NAALADL2: variants seen among roughly 807,000 people sequenced by gnomAD.
The protein encoded by NAALADL2 is N-acetylated alpha-linked acidic dipeptidase like 2.
Under a neutral mutation model 87.2 loss-of-function variants are expected in NAALADL2, and 76 were observed. The observed-to-expected ratio is 0.87, with a 90% CI of 0.72 to 1.05. NAALADL2 has a LOEUF of 1.05. NAALADL2 is among the 50% of genes least tolerant of loss of function. The pLI, the probability that NAALADL2 is intolerant of heterozygous loss-of-function variation, is 0.00. For synonymous variants in NAALADL2, 354 were observed against 331.0 expected (o/e 1.07, Z -0.75); for missense variants, 1,089 against 945.8 (o/e 1.15, Z -1.99).
chr3:174,796,510 A>C (rs2109227098), intron 3 of NAALADL2, among the ~76,000 whole-genome samples: 1 of 152,158 alleles, frequency 6.6e-6, no homozygotes, highest in African/African-American at 2.4e-5. Context: ...TTCACTTAAG[A>C]TAATGACCTC....
At chr3:174,952,027 C>T (rs781740986) in intron 1 of NAALADL2, among the ~76,000 whole-genome samples, 2 of 152,082 alleles carry the variant, frequency 1.3e-5, no homozygotes, top group Non-Finnish European at 2.9e-5. Context: ...CTGTCTAATT[C>T]ATTAGGCAAA....
intron 11 of NAALADL2, among the ~76,000 whole-genome samples, chr3:175,687,332 C>A (rs1206766045): frequency 1.3e-5 from 2 of 152,030 alleles, no homozygotes; most frequent in East Asian, 3.9e-4. Context: ...TTGAACAATA[C>A]CAGTATTTTC....
At position 175,570,507 on chromosome 3, in the gene NAALADL2, G is replaced by A. The variant is rs948006790; in HGVS notation, c.1654-5534G>A. ...GTAATAATTGGTACTTTACTATACT[G>A]TAAAAACCAGGAAAACCAGTGAGAT... On this transcript the variant is annotated intron_variant, in intron 9 of 13. Transcript: ENST00000454872. Among the ~76,000 whole-genome samples, 7 of 152,188 alleles carry A rather than the reference G, an allele frequency of 4.6e-5. No homozygotes were observed. The South Asian group carries it at 1.5e-3, about 32-fold the overall frequency.
chr3:175,069,147 C>T (rs1046139996), intron 1 of NAALADL2, among the ~76,000 whole-genome samples: 4 of 150,186 alleles, frequency 2.7e-5, no homozygotes, highest in Non-Finnish European at 5.9e-5. Context: ...CAACAAAAGC[C>T]AAAATTGACA....
rs374481215 is a variant in NAALADL2 at position 174,908,134 on chromosome 3, TTCTGGAATACCTC to T, written c.43+48690_43+48702del. Among the ~76,000 whole-genome samples the T allele has an allele frequency of 1.4e-3, 218 of 150,950 alleles. 1 individual carries two copies. The highest frequency in any genetic ancestry group is 5.0e-3 in the African/African-American group (207 of 40,992). On this transcript the variant is annotated intron_variant, in intron 1 of 13. Coordinates refer to ENST00000454872, the MANE Select transcript of NAALADL2 (RefSeq NM_207015.3). Reference sequence around the variant, plus strand: ...TAGTTTTATGTAATTGCATGGAAAGTTCTGGAATACCTCTCTGGTTGCACTTGGTGGTGAAGTT... The same window carrying T: ...TAGTTTTATGTAATTGCATGGAAAGTTCTGGTTGCACTTGGTGGTGAAGTT...
intron 5 of NAALADL2, among the ~76,000 whole-genome samples, chr3:175,349,150 G>C (rs1341106647): frequency 1.3e-5 from 2 of 149,230 alleles, no homozygotes; most frequent in Non-Finnish European, 3.0e-5. Flanking sequence ...GAATGAAAGA[G>C]AGAGAGAGAA....
At chr3:175,783,771 G>A (rs1002810324) in intron 13 of NAALADL2, among the ~76,000 whole-genome samples, 75 of 150,782 alleles carry the variant, frequency 5.0e-4, no homozygotes, top group Admixed American at 2.2e-3. Flanking sequence ...GGGCATCCCT[G>A]TCTTGTGCCA....
chr3:175,307,914 T>C (rs1757909963), intron 4 of NAALADL2, among the ~76,000 whole-genome samples: 1 of 152,178 alleles, frequency 6.6e-6, no homozygotes, highest in Non-Finnish European at 1.5e-5. Flanking sequence ...AATAAACCTG[T>C]TATCACAACA....
At chr3:175,768,718 G>A (rs1207189941) in intron 13 of NAALADL2, among the ~76,000 whole-genome samples, 1 of 152,054 alleles carries the variant, frequency 6.6e-6, no homozygotes, top group Admixed American at 6.5e-5. Context: ...TGGGCATGGT[G>A]GTGCACCCCT....
chr3:175,720,651 A>T (rs1345792043), intron 11 of NAALADL2, among the ~76,000 whole-genome samples: 5 of 151,220 alleles, frequency 3.3e-5, no homozygotes, highest in Non-Finnish European at 3.0e-5. Context: ...ACCCACATCT[A>T]AAAAAAAATT....
intron 2 of NAALADL2, among the ~76,000 whole-genome samples, chr3:174,678,256 T>A (rs1487186241): frequency 6.6e-6 from 1 of 152,138 alleles, no homozygotes; most frequent in African/African-American, 2.4e-5. Flanking sequence ...GCCTGAGAAT[T>A]TGAATTTCTA....
intron 3 of NAALADL2, among the ~76,000 whole-genome samples, chr3:174,808,166 G>T (rs561916353): frequency 1.3e-5 from 2 of 152,060 alleles, no homozygotes; most frequent in South Asian, 2.1e-4. Flanking sequence ...CCACATACAG[G>T]TATCATTTGC....
At chr3:175,731,719 T>C (rs1328758702) in intron 11 of NAALADL2, among the ~76,000 whole-genome samples, 2 of 152,192 alleles carry the variant, frequency 1.3e-5, no homozygotes, top group East Asian at 3.9e-4. Context: ...GAAGTCTCAA[T>C]CTTTGTTGCC....
intron 1 of NAALADL2, among the ~76,000 whole-genome samples, chr3:174,539,470 T>A (rs760503747): frequency 6.6e-5 from 10 of 152,158 alleles, no homozygotes; most frequent in Non-Finnish European, 1.5e-4. Context: ...TGGTTTAGTT[T>A]AACCCAGTGT....
rs551944310 is a variant in NAALADL2, at chr3:175,133,371, G to A, written c.545+36080G>A. 7.8e-4 allele frequency among the ~76,000 whole-genome samples: 118 copies of A among 151,894 alleles called. 1 individual carries two copies. The highest frequency in any genetic ancestry group is 3.4e-3 in the Middle Eastern group (1 of 294). Reference sequence around the variant, plus strand: ...GGCACTTTGGGAGGCCAAGGCAGGCGGCTGGGAGGTGGAGGTTGTAGCGAG... The same window carrying A: ...GGCACTTTGGGAGGCCAAGGCAGGCAGCTGGGAGGTGGAGGTTGTAGCGAG... On this transcript the variant is annotated intron_variant, in intron 2 of 13. Coordinates refer to ENST00000454872, the MANE Select transcript of NAALADL2 (RefSeq NM_207015.3).
At chr3:174,687,082 G>A (rs561723717) in intron 2 of NAALADL2, among the ~76,000 whole-genome samples, 59 of 151,924 alleles carry the variant, frequency 3.9e-4, no homozygotes, top group Non-Finnish European at 7.7e-4. Context: ...GTCCTACAAT[G>A]CCTGTACAAT....
At chr3:174,502,755 G>A (rs1176158744) in intron 1 of NAALADL2, among the ~76,000 whole-genome samples, 1 of 152,064 alleles carries the variant, frequency 6.6e-6, no homozygotes, top group East Asian at 1.9e-4. Context: ...ATCTTGCCAG[G>A]CACAGTGGCT....
chr3:175,552,718 T>A (rs1479915173), intron 9 of NAALADL2, among the ~76,000 whole-genome samples: 1 of 152,148 alleles, frequency 6.6e-6, no homozygotes, highest in Non-Finnish European at 1.5e-5. Flanking sequence ...GCTTCTGTTG[T>A]ATTTTTATAT....
At chr3:175,097,702 A>T (rs1406159370) in intron 2 of NAALADL2, among the ~76,000 whole-genome samples, 1 of 152,130 alleles carries the variant, frequency 6.6e-6, no homozygotes, top group Non-Finnish European at 1.5e-5. Context: ...GGCTGAAGTA[A>T]CTCTTCAAAA....
Sources: allele counts gnomAD v4.1 joint callset (sites outside exome capture counted in the v4.1 genomes callset), GRCh38; gene constraint gnomAD v4.1.1; transcripts MANE v1.5; gene names NCBI Gene and HGNC (gene_info 2026-07-23, HGNC 2026-07-21).